The following OTUD7A variants were observed in gnomAD, a reference collection of about 807,000 sequenced individuals.
OTUD7A encodes OTU domain-containing protein 7A.
OTUD7A carries 12 observed loss-of-function variants against 65.7 expected under a neutral mutation model. The ratio of observed to expected loss-of-function variants is 0.18; its 90% CI spans 0.12 to 0.30. The LOEUF is 0.30. Ranked by LOEUF, OTUD7A falls within the 10% of genes least tolerant of loss-of-function variation. The pLI is 1.00. For synonymous variants in OTUD7A, 641 were observed against 586.3 expected (o/e 1.09, Z -1.35); for missense variants, 1,148 against 1,304.8 (o/e 0.88, Z 1.85).
intron 3 of OTUD7A, among the ~76,000 whole-genome samples, chr15:31,635,008 C>G (rs56836116): frequency 0.03 from 4,642 of 152,310 alleles, 231 homozygotes; most frequent in African/African-American, 0.11. Context: ...GAAATCAGCT[C>G]TAACTTCAGT....
At chr15:31,517,450 G>A (rs1017048879) in intron 8 of OTUD7A, among the ~76,000 whole-genome samples, 2 of 152,210 alleles carry the variant, frequency 1.3e-5, no homozygotes, top group East Asian at 3.8e-4. Context: ...CTGAGCAAAT[G>A]CGAGATCTGG....
intron 3 of OTUD7A, among the ~76,000 whole-genome samples, chr15:31,647,447 G>T (rs1245681251): frequency 6.6e-6 from 1 of 152,220 alleles, no homozygotes; most frequent in Non-Finnish European, 1.5e-5. Flanking sequence ...AAGTTCCACA[G>T]GAGGGCAAGG....
At chr15:31,628,771 A>C (rs1203312244) in intron 3 of OTUD7A, among the ~76,000 whole-genome samples, 1 of 152,132 alleles carries the variant, frequency 6.6e-6, no homozygotes, top group Non-Finnish European at 1.5e-5. Context: ...AATTTCATTG[A>C]GCAGTGGTTT....
intron 8 of OTUD7A, among the ~76,000 whole-genome samples, chr15:31,507,718 A>G (rs1182172856): frequency 6.6e-6 from 1 of 151,846 alleles, no homozygotes; most frequent in African/African-American, 2.4e-5. Flanking sequence ...CCTTTTTTCA[A>G]TCTTCCCTGT....
chr15:31,769,419 T>C (rs918555543), intron 1 of OTUD7A, among the ~76,000 whole-genome samples: 3 of 152,280 alleles, frequency 2.0e-5, no homozygotes, highest in Non-Finnish European at 4.4e-5. Flanking sequence ...TTAAATAAAA[T>C]TAAACATATA....
chr15:31,796,003 G>A (rs142833805), intron 1 of OTUD7A, among the ~76,000 whole-genome samples: 9 of 152,218 alleles, frequency 5.9e-5, no homozygotes, highest in African/African-American at 1.2e-4. Context: ...CATCATCCTC[G>A]TTTCATAGAA....
At position 31,663,298 on chromosome 15, in the gene OTUD7A, T is replaced by A. The variant is rs1595694194; in HGVS notation, c.-99-6221A>T. Among the ~76,000 whole-genome samples the A allele has an allele frequency of 8.8e-5, 13 of 147,838 alleles. No individual in the cohort carries two copies. The South Asian group carries it at 2.7e-3, about 31-fold the overall frequency. ...ACACACACACAAGTTTTTAAAAATT[T>A]AAAGTTCCAGGATACATGTGCAGGA... On this transcript the variant is annotated intron_variant, in intron 1 of 12. Coordinates refer to ENST00000307050, the MANE Select transcript of OTUD7A (RefSeq NM_001382637.1).
intron 1 of OTUD7A, among the ~76,000 whole-genome samples, chr15:31,805,579 G>A (rs1236885544): frequency 6.6e-6 from 1 of 152,226 alleles, no homozygotes; most frequent in African/African-American, 2.4e-5. Context: ...TCTTTATAGA[G>A]AGGCATATTT....
At chr15:31,753,721 T>TATA (rs879561188) in intron 1 of OTUD7A, among the ~76,000 whole-genome samples, 5 of 106,778 alleles carry the variant, frequency 4.7e-5, no homozygotes, top group Non-Finnish European at 7.0e-5. Flanking sequence ...TATATATATA[T>TATA]TATATATATA....
At chr15:31,696,645 C>A (rs1464611116) in intron 1 of OTUD7A, among the ~76,000 whole-genome samples, 1 of 149,844 alleles carries the variant, frequency 6.7e-6, no homozygotes, top group African/African-American at 2.5e-5. Flanking sequence ...CTCAGAGGCA[C>A]GCGTCCTGGT....
intron 8 of OTUD7A, among the ~76,000 whole-genome samples, chr15:31,519,204 A>G (rs1403042991): frequency 6.6e-6 from 1 of 152,234 alleles, no homozygotes; most frequent in Admixed American, 6.5e-5. Flanking sequence ...GTAGGGAGAG[A>G]TACTAACACA....
intron 1 of OTUD7A, among the ~76,000 whole-genome samples, chr15:31,661,868 A>T (rs1327739928): frequency 6.6e-6 from 1 of 152,178 alleles, no homozygotes; most frequent in Non-Finnish European, 1.5e-5. Flanking sequence ...GTCTTTTTTA[A>T]TCTACAGATT....
intron 1 of OTUD7A, among the ~76,000 whole-genome samples, chr15:31,751,457 T>G (rs1006083786): frequency 7.9e-5 from 12 of 152,130 alleles, no homozygotes; most frequent in Non-Finnish European, 1.5e-5. Flanking sequence ...ACTTACACAC[T>G]GCATGTGGGA....
At chr15:31,571,999 T>C (rs981265493) in intron 3 of OTUD7A, among the ~76,000 whole-genome samples, 20 of 152,224 alleles carry the variant, frequency 1.3e-4, no homozygotes, top group Non-Finnish European at 1.5e-4. Context: ...CTAATTTTTC[T>C]TCTTGCTCTT....
intron 1 of OTUD7A, among the ~76,000 whole-genome samples, chr15:31,667,433 A>G (rs1490293303): frequency 1.3e-5 from 2 of 152,178 alleles, no homozygotes; most frequent in Admixed American, 6.5e-5. Flanking sequence ...TTTGCCTGAT[A>G]TAAGAATAGC....
intron 5 of OTUD7A, among the ~76,000 whole-genome samples, chr15:31,553,921 G>A (rs544581671): frequency 1.2e-3 from 177 of 152,042 alleles, no homozygotes; most frequent in African/African-American, 4.0e-3. Context: ...GTCAGCCCCC[G>A]GCTCAAAACC....
chr15:31,730,167 A>G (rs894902079), intron 1 of OTUD7A, among the ~76,000 whole-genome samples: 1 of 152,174 alleles, frequency 6.6e-6, no homozygotes, highest in Non-Finnish European at 1.5e-5. Flanking sequence ...GTCAGCAACC[A>G]GGAAGAGAGC....
intron 1 of OTUD7A, among the ~76,000 whole-genome samples, chr15:31,783,385 A>G (rs986099914): frequency 6.6e-6 from 1 of 152,188 alleles, no homozygotes; most frequent in African/African-American, 2.4e-5. Context: ...TGATCATTCT[A>G]AGGAGAGATT....
intron 1 of OTUD7A, among the ~76,000 whole-genome samples, chr15:31,815,844 ACT>A (rs1471287334): frequency 5.9e-5 from 9 of 152,160 alleles, no homozygotes; most frequent in Admixed American, 2.6e-4. Context: ...GATGAGGAAC[ACT>A]CTCTCACAAG....
Sources: gnomAD v4.1 joint callset for allele counts (sites outside exome capture counted in the v4.1 genomes callset) on GRCh38, gnomAD v4.1.1 for gene constraint, MANE v1.5 for transcripts, NCBI Gene and HGNC (gene_info 2026-07-23, HGNC 2026-07-21) for gene names.